Variants in TOM1L2 observed in about 807,000 individuals in gnomAD.
The protein encoded by TOM1L2 is TOM1-like protein 2.
In TOM1L2, 31 loss-of-function variants were observed where a neutral mutation model predicts 67.9. The ratio of observed to expected loss-of-function variants is 0.46; its 90% CI spans 0.34 to 0.62. The LOEUF is 0.62. TOM1L2 is among the 20% of genes least tolerant of loss of function. The pLI is 0.01. For synonymous variants in TOM1L2, 256 were observed against 254.0 expected, an observed-to-expected ratio of 1.01 and a Z score of -0.07; for missense variants, 606 against 663.5, an observed-to-expected ratio of 0.91 and a Z score of 0.95.
intron 1 of TOM1L2, among the ~76,000 whole-genome samples, chr17:17,927,832 T>C (rs2040157468): frequency 6.6e-6 from 1 of 152,078 alleles, no homozygotes; most frequent in Admixed American, 6.5e-5. Context: ...ACCTGGCTAA[T>C]TTTTGTATTC....
rs1598215508 is a variant in TOM1L2, at chr17:17,867,197, T to C, written c.912-273A>G. Among the ~76,000 whole-genome samples, 3 of 145,350 alleles carry C rather than the reference T, an allele frequency of 2.1e-5. No individual in the cohort carries two copies. In the East Asian group the frequency reaches 6.3e-4, roughly 30 times the overall value. ...GAGGTCATTGTGAGTGTCCCCAGCCTCTCCTCACACACCTGGGCCCTGGAG... is the reference window on the plus strand; with the variant it reads ...GAGGTCATTGTGAGTGTCCCCAGCCCCTCCTCACACACCTGGGCCCTGGAG... On this transcript the variant is annotated intron_variant, in intron 8 of 14. Transcript: ENST00000379504.
intron 1 of TOM1L2, among the ~76,000 whole-genome samples, chr17:17,917,705 A>G (rs1221717462): frequency 6.6e-6 from 1 of 150,616 alleles, no homozygotes; most frequent in Non-Finnish European, 1.5e-5. Flanking sequence ...TGTAAATCCC[A>G]TCACTTTGGG....
In TOM1L2 at chr17:17,847,414, G is replaced by A. The variant is rs898904800; in HGVS notation, c.*221C>T. The A allele has an allele frequency of 1.3e-5, 8 of 605,674 alleles. No homozygotes were observed. The highest frequency in any genetic ancestry group is 9.3e-5 in the African/African-American group (5 of 53,560). 37.5% of individuals were successfully genotyped at this position (605,674 alleles called of 1,614,324 possible). A position where few individuals can be genotyped will look rare whatever the true frequency, so the allele number is the denominator to read the frequency against. ...TGGGCAGAGGGGCCCATGGTGGGAG[G>A]GGAGAGAGTCTCTGGCTGCAGTTGT... On this transcript the variant is annotated 3_prime_UTR_variant, in exon 15 of 15. Coordinates refer to ENST00000379504, the MANE Select transcript of TOM1L2 (RefSeq NM_001082968.2).
At chr17:17,900,544 GAA>G (rs1307277525) in intron 2 of TOM1L2, among the ~76,000 whole-genome samples, 255 of 149,620 alleles carry the variant, frequency 1.7e-3, no homozygotes, top group African/African-American at 6.0e-3. Context: ...AAAAAAGAGA[GAA>G]AGAAAGAAAA....
At chr17:17,911,799 C>T (rs1472002199) in intron 1 of TOM1L2, among the ~76,000 whole-genome samples, 7 of 144,064 alleles carry the variant, frequency 4.9e-5, no homozygotes, top group African/African-American at 1.3e-4. Context: ...GAGGACCCTG[C>T]GGCCTTCCGC....
At chr17:17,876,985 A>T (rs1413043960) in intron 7 of TOM1L2, among the ~76,000 whole-genome samples, 2 of 152,250 alleles carry the variant, frequency 1.3e-5, no homozygotes, top group African/African-American at 4.8e-5. Context: ...TTTGACGCAT[A>T]GCTCAAGAGG....
At chr17:17,850,103 A>C (rs985509777) in intron 13 of TOM1L2, among the ~76,000 whole-genome samples, 1 of 152,118 alleles carries the variant, frequency 6.6e-6, no homozygotes, top group African/African-American at 2.4e-5. Flanking sequence ...CCTACAGAGG[A>C]GGCACCTAGG....
At chr17:17,894,938 T>TACAC (rs1364738197) in intron 3 of TOM1L2, among the ~76,000 whole-genome samples, 14 of 108,630 alleles carry the variant, frequency 1.3e-4, no homozygotes, top group African/African-American at 5.8e-4. Context: ...CTCAAAAACA[T>TACAC]ACATACATAC....
chr17:17,869,561 A>T (rs762675374), intron 7 of TOM1L2, 88 bp from the exon 8 acceptor site: 23 of 1,469,402 alleles, frequency 1.6e-5, no homozygotes, highest in Non-Finnish European at 2.0e-5. Flanking sequence ...ACTGATTCTT[A>T]AAAGTCACAA....
At position 17,877,877 on chromosome 17, in the gene TOM1L2, T is replaced by TA. The variant is rs750845304; in HGVS notation, c.777+1749dup. ...GTTTGTCTTGGCTGATGGGCTTGTTTAAAAAAAAAAAAAAATCCCAAACCC... is the reference window on the plus strand; with the variant it reads ...GTTTGTCTTGGCTGATGGGCTTGTTTAAAAAAAAAAAAAAAATCCCAAACCC... On this transcript the variant is annotated intron_variant, in intron 7 of 14. Transcript: ENST00000379504. Among the ~76,000 whole-genome samples the TA allele has an allele frequency of 8.9e-3, 1,278 of 142,950 alleles. 12 individuals are homozygous for TA. The highest frequency in any genetic ancestry group is 0.03 in the African/African-American group (1,164 of 38,964). The allele number at this position is 142,950 out of a possible 152,430, so 93.8% of individuals were successfully genotyped here.
intron 1 of TOM1L2, among the ~76,000 whole-genome samples, chr17:17,930,857 A>G (rs1438813381): frequency 1.3e-5 from 2 of 152,204 alleles, no homozygotes; most frequent in African/African-American, 2.4e-5. Context: ...AAAGACAATG[A>G]GTTTCCACAG....
intron 2 of TOM1L2, among the ~76,000 whole-genome samples, chr17:17,902,839 T>C (rs914612262): frequency 6.6e-6 from 1 of 152,238 alleles, no homozygotes; most frequent in Non-Finnish European, 1.5e-5. Flanking sequence ...ATACATCATA[T>C]ATATTTACTC....
intron 1 of TOM1L2, among the ~76,000 whole-genome samples, chr17:17,912,588 G>A (rs1949178912): frequency 6.6e-6 from 1 of 151,888 alleles, no homozygotes; most frequent in Admixed American, 6.6e-5. Flanking sequence ...TCAGACGATG[G>A]GCGGCCGGGC....
At chr17:17,942,037 G>A (rs929350195) in intron 1 of TOM1L2, among the ~76,000 whole-genome samples, 1 of 152,196 alleles carries the variant, frequency 6.6e-6, no homozygotes, top group Non-Finnish European at 1.5e-5. Context: ...TTATTTGAAT[G>A]TTCTGTTCTC....
intron 1 of TOM1L2, among the ~76,000 whole-genome samples, chr17:17,917,174 T>A (rs192099711): frequency 1.4e-5 from 2 of 147,052 alleles, no homozygotes; most frequent in South Asian, 2.2e-4. Context: ...AATTAAAAAA[T>A]TTAAAAAATT....
intron 7 of TOM1L2, chr17:17,872,113 C>G (rs1489249661): frequency 3.3e-6 from 3 of 910,446 alleles, no homozygotes; most frequent in Non-Finnish European, 3.9e-6. Context: ...AGGTCAAAAC[C>G]CAGTCACAAT....
chr17:17,853,523 G>A (rs997164314), intron 12 of TOM1L2, among the ~76,000 whole-genome samples: 2 of 152,190 alleles, frequency 1.3e-5, no homozygotes, highest in African/African-American at 4.8e-5. Flanking sequence ...AATAAACAAT[G>A]ACACTTAAGA....
chr17:17,963,924 A>AACCTG (rs2041788510), intron 1 of TOM1L2, among the ~76,000 whole-genome samples: 1 of 152,214 alleles, frequency 6.6e-6, no homozygotes, highest in African/African-American at 2.4e-5. Flanking sequence ...TCGTCACAAA[A>AACCTG]ACCTGGAGGA....
intron 13 of TOM1L2, among the ~76,000 whole-genome samples, chr17:17,849,442 C>T (rs2143470832): frequency 6.6e-6 from 1 of 152,386 alleles, no homozygotes; most frequent in Middle Eastern, 3.4e-3. Context: ...AAGCCATGTC[C>T]TGCAGCCTCC....
Sources: allele counts gnomAD v4.1 joint callset (sites outside exome capture counted in the v4.1 genomes callset), GRCh38; gene constraint gnomAD v4.1.1; transcripts MANE v1.5; gene names NCBI Gene and HGNC (gene_info 2026-07-23, HGNC 2026-07-21).